The following MAGI2 variants were observed in gnomAD, a reference collection of about 807,000 sequenced individuals.
The protein encoded by MAGI2 is membrane associated guanylate kinase, WW and PDZ domain containing 2.
A neutral mutation model predicts 133.3 loss-of-function variants in MAGI2; 35 were observed. The ratio of observed to expected loss-of-function variants is 0.26; its 90% confidence interval spans 0.20 to 0.35. The LOEUF (loss-of-function observed/expected upper bound fraction) is 0.35. Among genes scored for constraint, MAGI2 ranks in the 10% least tolerant of loss-of-function variants. The pLI is 1.00. For synonymous variants in MAGI2, 729 were observed against 710.6 expected (o/e 1.03, Z -0.41); for missense variants, 1,636 against 1,863.4 (o/e 0.88, Z 2.25).
At chr7:79,308,385 C>A (rs1837991848) in intron 1 of MAGI2, among the ~76,000 whole-genome samples, 1 of 152,044 alleles carries the variant, frequency 6.6e-6, no homozygotes, top group African/African-American at 2.4e-5. Context: ...TGGAGTTTTC[C>A]CAGGACAGTG....
chr7:78,124,400 C>T (rs1820761344), intron 20 of MAGI2, among the ~76,000 whole-genome samples: 1 of 152,196 alleles, frequency 6.6e-6, no homozygotes, highest in African/African-American at 2.4e-5. Context: ...AACTTGGATG[C>T]TTCCCAGCTG....
At chr7:79,160,930 T>C (rs1824290453) in intron 1 of MAGI2, among the ~76,000 whole-genome samples, 2 of 152,050 alleles carry the variant, frequency 1.3e-5, no homozygotes, top group African/African-American at 4.8e-5. Context: ...TAGGAAGCCT[T>C]ATCAAATTTG....
chr7:79,023,241 A>G (rs913791944), intron 1 of MAGI2, among the ~76,000 whole-genome samples: 4 of 152,136 alleles, frequency 2.6e-5, no homozygotes, highest in African/African-American at 9.7e-5. Flanking sequence ...AAACAACATG[A>G]TTATATCAAT....
intron 1 of MAGI2, among the ~76,000 whole-genome samples, chr7:79,343,057 C>T (rs1218212334): frequency 2.0e-5 from 3 of 152,108 alleles, no homozygotes; most frequent in African/African-American, 7.2e-5. Flanking sequence ...ATCCATCATG[C>T]CCGGCCTGAG....
chr7:78,258,317 G>C (rs1379778656), intron 9 of MAGI2, among the ~76,000 whole-genome samples: 1 of 152,098 alleles, frequency 6.6e-6, no homozygotes, highest in African/African-American at 2.4e-5. Flanking sequence ...ATTCATCTCA[G>C]TGTCCCAGAG....
intron 1 of MAGI2, among the ~76,000 whole-genome samples, chr7:79,041,070 C>T (rs1271302043): frequency 6.6e-6 from 1 of 152,168 alleles, no homozygotes; most frequent in African/African-American, 2.4e-5. Context: ...ACATTCTACA[C>T]ATGTATCAAA....
At chr7:79,264,241 A>C (rs996114947) in intron 1 of MAGI2, among the ~76,000 whole-genome samples, 54 of 152,296 alleles carry the variant, frequency 3.5e-4, no homozygotes, top group Admixed American at 1.2e-3. Context: ...ATATTCTATG[A>C]ATCTCCTAAC....
chr7:78,423,666 C>A (rs1445426965), intron 6 of MAGI2, among the ~76,000 whole-genome samples: 1 of 152,100 alleles, frequency 6.6e-6, no homozygotes. Flanking sequence ...CAATAAGGTC[C>A]AGGCTGAGGT....
At chr7:79,162,784 A>T (rs915133859) in intron 1 of MAGI2, among the ~76,000 whole-genome samples, 1 of 152,114 alleles carries the variant, frequency 6.6e-6, no homozygotes, top group Non-Finnish European at 1.5e-5. Context: ...TATGTTTTCT[A>T]TAGCTAATTG....
At chr7:78,475,457 T>A (rs1488717231) in intron 6 of MAGI2, among the ~76,000 whole-genome samples, 1 of 151,904 alleles carries the variant, frequency 6.6e-6, no homozygotes, top group Non-Finnish European at 1.5e-5. Flanking sequence ...CATGAAGGAT[T>A]TCATAGAGAA....
intron 14 of MAGI2, among the ~76,000 whole-genome samples, chr7:78,176,663 G>A (rs1182618476): frequency 6.6e-6 from 1 of 151,904 alleles, no homozygotes; most frequent in Non-Finnish European, 1.5e-5. Flanking sequence ...GAAGATTTCT[G>A]CCCAGGTTTT....
intron 2 of MAGI2, among the ~76,000 whole-genome samples, chr7:78,807,858 A>C (rs555327619): frequency 2.4e-4 from 36 of 152,026 alleles, no homozygotes; most frequent in Non-Finnish European, 5.0e-4. Context: ...TGAACATTTC[A>C]TCTCATCTTA....
At chr7:78,150,279 A>C (rs1823741513) in intron 16 of MAGI2, among the ~76,000 whole-genome samples, 1 of 152,176 alleles carries the variant, frequency 6.6e-6, no homozygotes, top group South Asian at 2.1e-4. Context: ...GATAAATAAC[A>C]GTACTGTGTT....
chr7:78,472,506 T>A (rs118071153), intron 6 of MAGI2, among the ~76,000 whole-genome samples: 7,891 of 152,070 alleles, frequency 0.052, 265 homozygotes, highest in East Asian at 0.088. Context: ...AAGAAAAAAA[T>A]TTAAGGATTG....
At chr7:79,166,591 C>T (rs1002962277) in intron 1 of MAGI2, among the ~76,000 whole-genome samples, 2 of 152,022 alleles carry the variant, frequency 1.3e-5, no homozygotes, top group South Asian at 2.1e-4. Flanking sequence ...TGTTGGGCAG[C>T]AGTAAAATCC....
At chr7:78,416,211 G>A (rs189248293) in intron 6 of MAGI2, among the ~76,000 whole-genome samples, 6 of 152,230 alleles carry the variant, frequency 3.9e-5, no homozygotes, top group Admixed American at 3.9e-4. Flanking sequence ...TTCCAAAGGA[G>A]GGATGCAAAT....
At chr7:79,101,916 CAT>C (rs1240671628) in intron 1 of MAGI2, among the ~76,000 whole-genome samples, 2 of 151,362 alleles carry the variant, frequency 1.3e-5, no homozygotes, top group Non-Finnish European at 2.9e-5. Flanking sequence ...TTTTCAGAAA[CAT>C]ATACACCATA....
At chr7:78,788,733 T>C (rs554706399) in intron 2 of MAGI2, among the ~76,000 whole-genome samples, 2 of 152,352 alleles carry the variant, frequency 1.3e-5, no homozygotes, top group Admixed American at 1.3e-4. Context: ...CCTTAGGGAA[T>C]ACCTCCCACT....
chr7:78,528,874 A>G (rs1375688678), intron 3 of MAGI2, among the ~76,000 whole-genome samples: 1 of 152,194 alleles, frequency 6.6e-6, no homozygotes, highest in Non-Finnish European at 1.5e-5. Context: ...TATACCAAAT[A>G]GCATTTTGTC....
Sources: gnomAD v4.1 joint callset for allele counts (sites outside exome capture counted in the v4.1 genomes callset) on GRCh38, gnomAD v4.1.1 for gene constraint, MANE v1.5 for transcripts, NCBI Gene and HGNC (gene_info 2026-07-23, HGNC 2026-07-21) for gene names.